PCP4L1: variants seen among roughly 807,000 people sequenced by gnomAD.
The protein encoded by PCP4L1 is Purkinje cell protein 4 like 1, also known as Purkinje cell protein 4-like protein 1.
A neutral mutation model predicts 9.6 loss-of-function variants in PCP4L1; 9 were observed. That is an observed-to-expected ratio of 0.94 (90% CI 0.57 to 1.64). The LOEUF (loss-of-function observed/expected upper bound fraction) is 1.64, where lower values mean the gene tolerates loss of function less well. Ranked by LOEUF, PCP4L1 falls within the 40% of genes most tolerant of loss-of-function variation. PCP4L1 has a pLI of 0.00. For synonymous variants in PCP4L1, 31 were observed against 28.2 expected, an observed-to-expected ratio of 1.10 and a Z score of -0.31; for missense variants, 81 against 80.8, an observed-to-expected ratio of 1.00 and a Z score of -0.01.
chr1:161,260,992 G>C (rs892106258), intron 1 of PCP4L1, among the ~76,000 whole-genome samples: 10 of 152,156 alleles, frequency 6.6e-5, no homozygotes, highest in African/African-American at 2.2e-4. Flanking sequence ...TAGGGGCCGA[G>C]ATCCAGCCTG....
chr1:161,270,876 T>TAA (rs368483521), intron 1 of PCP4L1, among the ~76,000 whole-genome samples: 6,648 of 135,638 alleles, frequency 0.049, 482 homozygotes, highest in African/African-American at 0.16. Flanking sequence ...AGACTCCGTC[T>TAA]AAAAAAAAAA....
chr1:161,277,239 C>G (rs949578269), intron 1 of PCP4L1, among the ~76,000 whole-genome samples: 3 of 152,168 alleles, frequency 2.0e-5, no homozygotes, highest in African/African-American at 4.8e-5. Flanking sequence ...AAAAATAGTT[C>G]AGTACATATC....
At chr1:161,269,989 A>C (rs1571794608) in intron 1 of PCP4L1, among the ~76,000 whole-genome samples, 1 of 133,748 alleles carries the variant, frequency 7.5e-6, no homozygotes, top group African/African-American at 3.0e-5. Flanking sequence ...ACAGAATAAG[A>C]CCTTGTCTCA....
intron 1 of PCP4L1, among the ~76,000 whole-genome samples, chr1:161,260,718 T>C (rs146109123): frequency 6.6e-6 from 1 of 152,126 alleles, no homozygotes. Flanking sequence ...CCAAGTCCGC[T>C]CCCTCCTGAC....
At chr1:161,282,150 C>T (rs1378969386) in intron 1 of PCP4L1, among the ~76,000 whole-genome samples, 6 of 152,062 alleles carry the variant, frequency 3.9e-5, no homozygotes, top group Admixed American at 1.3e-4. Context: ...CTCGGGAGGC[C>T]GAGGCTGGCG....
intron 1 of PCP4L1, among the ~76,000 whole-genome samples, chr1:161,262,433 C>CA (rs539872397): frequency 0.4 from 25,008 of 62,350 alleles, 4,559 homozygotes; most frequent in Non-Finnish European, 0.49. Context: ...GACTCCATCT[C>CA]AAAAAAAAAA....
intron 1 of PCP4L1, among the ~76,000 whole-genome samples, chr1:161,260,695 T>C (rs562883426): frequency 2.0e-5 from 3 of 152,236 alleles, no homozygotes; most frequent in African/African-American, 7.2e-5. Context: ...CAATTCGGTG[T>C]TTGAGGAGAA....
Position 161,283,650 on chromosome 1 carries a change from T to C in PCP4L1, c.10-18T>C. On this transcript the variant is annotated intron_variant, in intron 1 of 2. Transcript: ENST00000504449. The stretch of plus-strand genomic sequence containing the variant: ...TCCATGAATATCTAATATTCTGATA[T>C]CCTAATATTTTTTCCAGCTTAATAC... 3 of 1,578,342 alleles carry C rather than the reference T, an allele frequency of 1.9e-6. No homozygotes were observed. The highest frequency in any genetic ancestry group is 1.7e-6 in the Non-Finnish European group (2 of 1,160,024).
chr1:161,282,063 G>C (rs926642236), intron 1 of PCP4L1, among the ~76,000 whole-genome samples: 1 of 152,170 alleles, frequency 6.6e-6, no homozygotes, highest in Non-Finnish European at 1.5e-5. Flanking sequence ...TGTAGCAAGC[G>C]GAGATCATGC....
At chr1:161,259,199 T>C (rs1669378383) in intron 1 of PCP4L1, among the ~76,000 whole-genome samples, 1 of 152,130 alleles carries the variant, frequency 6.6e-6, no homozygotes, top group African/African-American at 2.4e-5. Context: ...TGGACGGCGC[T>C]TTTGGGGGTA....
At chr1:161,267,195 C>T (rs1669545891) in intron 1 of PCP4L1, among the ~76,000 whole-genome samples, 1 of 152,174 alleles carries the variant, frequency 6.6e-6, no homozygotes, top group African/African-American at 2.4e-5. Flanking sequence ...GGTTTCTCTG[C>T]CTTGGACTGT....
At chr1:161,260,704 A>G (rs910688022) in intron 1 of PCP4L1, among the ~76,000 whole-genome samples, 1 of 152,160 alleles carries the variant, frequency 6.6e-6, no homozygotes, top group Non-Finnish European at 1.5e-5. Context: ...GTTTGAGGAG[A>G]AAGCCAAGTC....
intron 1 of PCP4L1, among the ~76,000 whole-genome samples, chr1:161,265,111 C>T (rs1669507716): frequency 6.6e-6 from 1 of 152,124 alleles, no homozygotes. Flanking sequence ...CATTGATTCC[C>T]ATAATTGCAG....
At chr1:161,278,347 T>G (rs1571800200) in intron 1 of PCP4L1, among the ~76,000 whole-genome samples, 2 of 152,310 alleles carry the variant, frequency 1.3e-5, no homozygotes, top group South Asian at 4.2e-4. Context: ...CTTGTACCAT[T>G]GCAAGACTCT....
At chr1:161,278,683 A>G (rs369965115) in intron 1 of PCP4L1, among the ~76,000 whole-genome samples, 10 of 152,254 alleles carry the variant, frequency 6.6e-5, no homozygotes, top group African/African-American at 2.4e-4. Context: ...AAAAATCGAA[A>G]TTCTTTGTCC....
intron 1 of PCP4L1, among the ~76,000 whole-genome samples, chr1:161,271,661 G>A (rs1669627350): frequency 6.6e-6 from 1 of 151,092 alleles, no homozygotes; most frequent in Admixed American, 6.6e-5. Context: ...GTGCCATGAC[G>A]CCCGGCTAAT....
intron 1 of PCP4L1, 32 bp from the exon 2 acceptor site, chr1:161,283,636 C>G (rs1214049975): frequency 1.1e-5 from 17 of 1,551,434 alleles, no homozygotes; most frequent in Non-Finnish European, 1.5e-5. Context: ...CCATGAATAT[C>G]TAATATTCTG....
chr1:161,268,607 T>G (rs1669573810), intron 1 of PCP4L1, among the ~76,000 whole-genome samples: 1 of 134,664 alleles, frequency 7.4e-6, no homozygotes, highest in African/African-American at 2.9e-5. Context: ...AGGAGTGCAA[T>G]GGCACGATCT....
At chr1:161,282,914 C>T (rs71639054) in intron 1 of PCP4L1, among the ~76,000 whole-genome samples, 7,564 of 152,184 alleles carry the variant, frequency 0.05, 252 homozygotes, top group Non-Finnish European at 0.072. Flanking sequence ...AAGCTACCAT[C>T]GTCTCTTGCT....
Sources: gnomAD v4.1 joint callset for allele counts (sites outside exome capture counted in the v4.1 genomes callset) on GRCh38, gnomAD v4.1.1 for gene constraint, MANE v1.5 for transcripts, NCBI Gene and HGNC (gene_info 2026-07-23, HGNC 2026-07-21) for gene names.